The following PPP1R15A variants were observed in gnomAD, a reference collection of about 807,000 sequenced individuals.
PPP1R15A encodes the protein growth arrest and DNA damage-inducible protein GADD34.
PPP1R15A carries 43 observed loss-of-function variants against 48.5 expected under a neutral mutation model. The ratio of observed to expected loss-of-function variants is 0.89; its 90% confidence interval spans 0.69 to 1.14. The LOEUF (loss-of-function observed/expected upper bound fraction) is 1.14, where lower values mean the gene tolerates loss of function less well. PPP1R15A is among the 50% of genes most tolerant of loss of function. The pLI, the probability that PPP1R15A is intolerant of heterozygous loss-of-function variation, is 0.00. For synonymous variants in PPP1R15A, 327 were observed against 327.4 expected, an observed-to-expected ratio of 1.00 and a Z score of 0.01; for missense variants, 868 against 847.2, an observed-to-expected ratio of 1.02 and a Z score of -0.30.
rs373351648 is a variant in PPP1R15A, at chr19:48,875,867, C to G, written c.1919C>G (p.Pro640Arg). ...LTQTLPSSSV[P>R]SSPVQTTPLS... ...CAGACCTTGCCTTCCTCCTCTGTCC[C>G]TTCGTCCCCAGTCCAGACCACGCCC... is the stretch of plus-strand genomic sequence containing the variant. Residue 640 changes from proline (P) to arginine (R), a missense_variant, in exon 3 of 3, where the codon CCT (proline) becomes CGT (arginine). Physicochemically the swap from Pro to Arg is moderately radical, Grantham distance 103 (BLOSUM62 -2). Transcript: ENST00000200453. 1.9e-5 allele frequency: 30 copies of G among 1,614,076 alleles called. No individual in the cohort carries two copies. The highest frequency in any genetic ancestry group is 8.3e-5 in the Admixed American group (5 of 59,998).
Position 48,873,669 on chromosome 19 carries a change from CTTCTGATAAGGACACTGCAAGG to C in PPP1R15A, c.447_468del (p.Leu151GlnfsTer42). 6.2e-7 allele frequency: 1 copy of C among 1,614,170 alleles called. No individual in the cohort carries two copies. Among genetic ancestry groups the C allele is most frequent in the South Asian group, 1.1e-5 (1 of 91,090 alleles). On this transcript the variant is annotated frameshift_variant, in exon 2 of 3. Coordinates refer to ENST00000200453, the MANE Select transcript of PPP1R15A (RefSeq NM_014330.5). LOFTEE classifies it high-confidence loss of function. ...CCAGCGTGCTCCCCTGTCTCCCAGC[CTTCTGATAAGGACACTGCAAGG>C]TTCTGATAAGAACCCAGGGGAGGAG...
Position 48,875,736 on chromosome 19 carries a change from C to G in PPP1R15A, c.1788C>G (p.Ile596Met). 6.2e-7 allele frequency: 1 copy of G among 1,613,400 alleles called. No homozygotes were observed. Among genetic ancestry groups the G allele is most frequent in the Non-Finnish European group, 8.5e-7 (1 of 1,179,584 alleles). ...ATCGCAGCCGCTTCGCACGCCGCAT[C>G]ACCCAGGCCCAGGAGGAGCTGAGCC... ...ARDRSRFARR[I>M]TQAQEELSPC... Residue 596 changes from isoleucine (I) to methionine (M), a missense_variant, in exon 3 of 3, where the codon ATC (isoleucine) becomes ATG (methionine). Ile to Met is a conservative substitution (Grantham distance 10). Coordinates refer to ENST00000200453, the MANE Select transcript of PPP1R15A (RefSeq NM_014330.5).
At position 48,874,765 on chromosome 19, in the gene PPP1R15A, T is replaced by C; in HGVS notation, c.1532T>C (p.Ile511Thr). The C allele has an allele frequency of 2.5e-6, 4 of 1,613,960 alleles. No homozygotes were observed. ...GAGCCCTGCCCCTTCCGAGTGGCCATCTATGTACCTGGAGAGAAGCCACCG... is the reference window on the plus strand; with the variant it reads ...GAGCCCTGCCCCTTCCGAGTGGCCACCTATGTACCTGGAGAGAAGCCACCG... The part of the protein sequence containing the change: ...EAEPCPFRVA[I>T]YVPGEKPPPP... Residue 511 changes from isoleucine (I) to threonine (T), a missense_variant, in exon 2 of 3, where the codon ATC becomes ACC. Physicochemically the swap from Ile to Thr is moderately conservative, Grantham distance 89. Transcript: ENST00000200453.
Position 48,873,733 on chromosome 19 carries a change from G to T in PPP1R15A, c.500G>T (p.Gly167Val). Residue 167 changes from glycine (G) to valine (V), a missense_variant, in exon 2 of 3, where the codon GGA (glycine) becomes GTA (valine). Transcript: ENST00000200453. ...NPGEEKAEEE[G>V]VAEEEGVNKF... is the part of the protein sequence containing the mutation. ...GGGGAGGAGAAAGCCGAGGAAGAGG[G>T]AGTTGCTGAAGAGGAGGGAGTTAAC... The T allele has an allele frequency of 6.2e-7, 1 of 1,614,064 alleles. No homozygotes were observed. The highest frequency in any genetic ancestry group is 8.5e-7 in the Non-Finnish European group (1 of 1,180,016).
rs142686151 is a variant in PPP1R15A, at chr19:48,873,620, G to T, written c.387G>T (p.Gly129=). 128 of 1,614,110 alleles carry T rather than the reference G, an allele frequency of 7.9e-5. No homozygotes were observed. Among genetic ancestry groups the T allele is most frequent in the Non-Finnish European group, 1.0e-4 (123 of 1,180,006 alleles). The change falls in exon 2 of 3, where the codon GGG becomes GGT. Residue 129 remains glycine (G), a synonymous_variant. Transcript: ENST00000200453. ...GEREATSVPR[G]QGSQFADGQR... is the part of the protein sequence containing the mutation. ...GAGAGGCAACCAGTGTCCCTAGAGG[G>T]CAGGGAAGTCAATTTGCAGATGGCC...
In PPP1R15A at chr19:48,873,978, T is replaced by C. The variant is rs1568563083; in HGVS notation, c.745T>C (p.Ser249Pro). ...RSKGARKTSV[S>P]PRSSGSDPRS... ...TAAAGGAGCCAGGAAGACCTCCGTG[T>C]CCCCCCGATCTTCAGGCTCCGACCC... Residue 249 changes from serine to proline, a missense_variant, in exon 2 of 3, where the codon TCC becomes CCC. Transcript: ENST00000200453. 6.2e-7 allele frequency: 1 copy of C among 1,613,822 alleles called. No homozygotes were observed. The highest frequency in any genetic ancestry group is 1.1e-5 in the South Asian group (1 of 91,072).
In PPP1R15A at chr19:48,875,760, C is replaced by T. The variant is rs749232698; in HGVS notation, c.1812C>T (p.Ser604=). The T allele has an allele frequency of 5.0e-6, 8 of 1,613,752 alleles. No individual in the cohort carries two copies. Among genetic ancestry groups the T allele is most frequent in the South Asian group, 3.3e-5 (3 of 91,068 alleles). The part of the protein sequence containing the change: ...RRITQAQEEL[S]PCLTPAARAR... ...TCACCCAGGCCCAGGAGGAGCTGAG[C>T]CCCTGCCTCACCCCTGCTGCCCGGG... Residue 604 remains serine (S), a synonymous_variant, in exon 3 of 3, where the codon AGC becomes AGT. Coordinates refer to ENST00000200453, the MANE Select transcript of PPP1R15A (RefSeq NM_014330.5).
chr19:48,874,004 C>A lies in PPP1R15A; in HGVS notation c.771C>A (p.Pro257=). Residue 257 remains proline, a synonymous_variant, in exon 2 of 3, where the codon CCC becomes CCA. Transcript: ENST00000200453. ...SVSPRSSGSD[P]RSWEYRSGEA... Reference sequence around the variant, plus strand: ...CCCCCCGATCTTCAGGCTCCGACCCCAGGTCCTGGGAGTATCGTTCAGGAG... The same window carrying A: ...CCCCCCGATCTTCAGGCTCCGACCCAAGGTCCTGGGAGTATCGTTCAGGAG... 1 of 1,614,174 alleles carries A rather than the reference C, an allele frequency of 6.2e-7. No individual in the cohort carries two copies. The highest frequency in any genetic ancestry group is 1.3e-5 in the African/African-American group (1 of 75,040).
rs1165173691 is a variant in PPP1R15A, at chr19:48,872,568, C to T, written c.-93C>T. On this transcript the variant is annotated 5_prime_UTR_variant, in exon 1 of 3. Transcript: ENST00000200453. ...CTGAGGGTGAGATGAACGCGCTGGC[C>T]TCCCTAACCGTCCGGACCTGTGATC... 6.6e-6 allele frequency: 3 copies of T among 452,298 alleles called. No homozygotes were observed. The highest frequency in any genetic ancestry group is 4.7e-5 in the South Asian group (3 of 64,344). 28.0% of individuals were successfully genotyped at this position (452,298 alleles called of 1,614,324 possible).
intron 1 of PPP1R15A, 125 bp from the exon 2 acceptor site, chr19:48,873,100 T>C: frequency 7.4e-7 from 1 of 1,360,222 alleles, no homozygotes. Flanking sequence ...GAAAGGAATT[T>C]GGGACTCTCG....
At chr19:48,873,191 C>G in intron 1 of PPP1R15A, 34 bp from the exon 2 acceptor site, 1 of 1,446,380 alleles carries the variant, frequency 6.9e-7, no homozygotes, top group Non-Finnish European at 9.1e-7. Context: ...TCTAAATGGC[C>G]CCTAAACTTT....
rs552207545 is a variant in PPP1R15A at position 48,873,240 on chromosome 19, C to T, written c.7C>T (p.Pro3Ser). 5.3e-6 allele frequency: 8 copies of T among 1,522,684 alleles called. No homozygotes were observed. The African/African-American group carries it at 9.8e-5, about 19-fold the overall frequency. The allele number at this position is 1,522,684 out of a possible 1,614,324, so 94.3% of individuals were successfully genotyped here. The change falls in exon 2 of 3, where the codon CCA becomes TCA. Residue 3 changes from proline (P) to serine (S), a missense_variant. Pro to Ser is a moderately conservative substitution (Grantham distance 74, BLOSUM62 -1). Transcript: ENST00000200453. ...CCTTTTCCAGCCCAGACACATGGCC[C>T]CAGGCCAAGCACCCCATCAGGCTAC... is the stretch of plus-strand genomic sequence containing the variant. MAPGQAPHQATPW... is the reference protein window; with the variant it reads MASGQAPHQATPW...
rs560126141 is a variant in PPP1R15A, at chr19:48,873,180, C to T, written c.-9-45C>T. 44 of 1,429,410 alleles carry T rather than the reference C, an allele frequency of 3.1e-5. No homozygotes were observed. The South Asian group carries it at 6.6e-4, about 21-fold the overall frequency. The allele number at this position is 1,429,410 out of a possible 1,614,324, so 88.5% of individuals were successfully genotyped here. A position where few individuals can be genotyped will look rare whatever the true frequency, so the allele number is the denominator to read the frequency against. ...CTCATAGTCACGCCCGGATGCCATC[C>T]TCTAAATGGCCCCTAAACTTTATTT... is the stretch of plus-strand genomic sequence containing the variant. On this transcript the variant is annotated intron_variant, in intron 1 of 2. Transcript: ENST00000200453.
At position 48,873,953 on chromosome 19, in the gene PPP1R15A, T is replaced by C. The variant is rs1201358637; in HGVS notation, c.720T>C (p.Ser240=). 2.5e-6 allele frequency: 4 copies of C among 1,613,648 alleles called. No individual in the cohort carries two copies. The highest frequency in any genetic ancestry group is 3.4e-6 in the Non-Finnish European group (4 of 1,179,888). ...QATEDKRTER[S]KGARKTSVSP... is the part of the protein sequence containing the mutation. The stretch of plus-strand genomic sequence containing the variant: ...CGGAGGATAAAAGAACAGAAAGAAG[T>C]AAAGGAGCCAGGAAGACCTCCGTGT... Residue 240 remains serine (S), a synonymous_variant, in exon 2 of 3, where the codon AGT becomes AGC. Transcript: ENST00000200453.
rs1048612805 is a variant in PPP1R15A, at chr19:48,874,286, G to C, written c.1053G>C (p.Glu351Asp). The C allele has an allele frequency of 1.2e-6, 2 of 1,614,086 alleles. No individual in the cohort carries two copies. The change falls in exon 2 of 3, where the codon GAG becomes GAC. Residue 351 changes from glutamate (E) to aspartate (D), a missense_variant. Glu to Asp is a conservative substitution (Grantham distance 45, BLOSUM62 2). Transcript: ENST00000200453. ...TGTATTGGCCAGGAGAGGACACAGAGGAAGAGGAAGATGAGGAAGAAGATG... is the reference window on the plus strand; with the variant it reads ...TGTATTGGCCAGGAGAGGACACAGACGAAGAGGAAGATGAGGAAGAAGATG... ...AWVYWPGEDTEEEEDEEEDED... is the reference protein window; with the variant it reads ...AWVYWPGEDTDEEEDEEEDED...
rs611251 is a variant in PPP1R15A at position 48,873,829 on chromosome 19, T to C, written c.596T>C (p.Val199Ala). The C allele has an allele frequency of 0.17, 277,952 of 1,613,706 alleles. 28,897 individuals carry two copies. The highest frequency in any genetic ancestry group is 0.49 in the African/African-American group (36,465 of 74,868). The stretch of plus-strand genomic sequence containing the variant: ...GAGGAGGAGGACGATGAAGAAGCTG[T>C]AAAGAAAGAAGCTCACAGAACCTCT... ...AVEEEDDEEAVKKEAHRTSTS... is the reference protein window; with the variant it reads ...AVEEEDDEEAAKKEAHRTSTS... The change falls in exon 2 of 3, where the codon GTA (valine) becomes GCA (alanine). Residue 199 changes from valine to alanine, a missense_variant. Transcript: ENST00000200453.
rs376576127 is a variant in PPP1R15A at position 48,874,168 on chromosome 19, G to A, written c.935G>A (p.Gly312Asp). 1.9e-6 allele frequency: 3 copies of A among 1,614,060 alleles called. No homozygotes were observed. The highest frequency in any genetic ancestry group is 1.7e-5 in the Admixed American group (1 of 59,998). The change falls in exon 2 of 3, where the codon GGT (glycine) becomes GAT (aspartate). Residue 312 changes from glycine (G) to aspartate (D), a missense_variant. Transcript: ENST00000200453. Reference protein sequence around the residue: ...WWCQPSDEEEGEVKALGAAEK... With the variant: ...WWCQPSDEEEDEVKALGAAEK... Reference sequence around the variant, plus strand: ...TGCCAACCCAGTGATGAAGAGGAGGGTGAGGTCAAGGCTTTGGGGGCAGCT... The same window carrying A: ...TGCCAACCCAGTGATGAAGAGGAGGATGAGGTCAAGGCTTTGGGGGCAGCT...
At position 48,873,388 on chromosome 19, in the gene PPP1R15A, G is replaced by T. The variant is rs1160995326; in HGVS notation, c.155G>T (p.Gly52Val). The T allele has an allele frequency of 6.2e-7, 1 of 1,613,840 alleles. No homozygotes were observed. The highest frequency in any genetic ancestry group is 8.5e-7 in the Non-Finnish European group (1 of 1,179,940). Residue 52 changes from glycine (G) to valine (V), a missense_variant, in exon 2 of 3, where the codon GGA (glycine) becomes GTA (valine). By Grantham distance (109) the Gly-to-Val change is moderately radical. Coordinates refer to ENST00000200453, the MANE Select transcript of PPP1R15A (RefSeq NM_014330.5). ...CCCTGGCTGGTGGAAGCAGTAAAAG[G>T]AGCAGCTCTGGTAGAAGCTGGCCTG... Reference protein sequence around the residue: ...LEPWLVEAVKGAALVEAGLEG... With the variant: ...LEPWLVEAVKVAALVEAGLEG...
rs1302837415 is a variant in PPP1R15A at position 48,872,538 on chromosome 19, G to T, written c.-123G>T. The T allele has an allele frequency of 2.2e-6, 1 of 455,892 alleles. No homozygotes were observed. The highest frequency in any genetic ancestry group is 7.0e-5 in the East Asian group (1 of 14,380). 28.2% of individuals were successfully genotyped at this position (455,892 alleles called of 1,614,324 possible). On this transcript the variant is annotated 5_prime_UTR_variant, in exon 1 of 3. Coordinates refer to ENST00000200453, the MANE Select transcript of PPP1R15A (RefSeq NM_014330.5). ...AGATACTCTGAGTTACTCGGAGCCC[G>T]ACGCCTGAGGGTGAGATGAACGCGC...
Sources: gnomAD v4.1 joint callset for allele counts on GRCh38, gnomAD v4.1.1 for gene constraint, MANE v1.5 for transcripts, NCBI Gene and HGNC (gene_info 2026-07-23, HGNC 2026-07-21) for gene names.